The following INPP5A variants were observed in gnomAD, a reference collection of about 807,000 sequenced individuals.
INPP5A encodes the protein inositol polyphosphate-5-phosphatase A.
In INPP5A, 14 loss-of-function variants were observed where a neutral mutation model predicts 65.2. That is an observed-to-expected ratio of 0.21 (90% CI 0.14 to 0.34). INPP5A has a LOEUF of 0.34. Among genes scored for constraint, INPP5A ranks in the 10% least tolerant of loss-of-function variants. INPP5A has a pLI of 1.00. For synonymous variants in INPP5A, 207 were observed against 208.3 expected, an observed-to-expected ratio of 0.99 and a Z score of 0.05; for missense variants, 431 against 545.6, an observed-to-expected ratio of 0.79 and a Z score of 2.09.
At chr10:132,568,594 CAA>C (rs113219823) in intron 1 of INPP5A, among the ~76,000 whole-genome samples, 1 of 130,770 alleles carries the variant, frequency 7.6e-6, no homozygotes. Context: ...ACTAAAAATA[CAA>C]AAAAAAAAAA....
At chr10:132,689,317 T>A (rs1182875652) in intron 4 of INPP5A, among the ~76,000 whole-genome samples, 2 of 152,162 alleles carry the variant, frequency 1.3e-5, no homozygotes, top group Non-Finnish European at 2.9e-5. Flanking sequence ...GCCCCTGCCC[T>A]CCGTCTGCAG....
chr10:132,600,483 C>T (rs558403778), intron 1 of INPP5A, among the ~76,000 whole-genome samples: 1 of 152,344 alleles, frequency 6.6e-6, no homozygotes, highest in Non-Finnish European at 1.5e-5. Context: ...AGCCATTCAG[C>T]AAGTCTCCAG....
intron 1 of INPP5A, among the ~76,000 whole-genome samples, chr10:132,563,134 T>C (rs1564917190): frequency 6.6e-6 from 1 of 152,304 alleles, no homozygotes; most frequent in East Asian, 1.9e-4. Flanking sequence ...GAGACTGACA[T>C]TCTGTTCAGA....
chr10:132,658,684 G>A (rs992335762), intron 4 of INPP5A, among the ~76,000 whole-genome samples: 14 of 152,184 alleles, frequency 9.2e-5, no homozygotes, highest in Non-Finnish European at 8.8e-5. Flanking sequence ...CAAGCTGCCC[G>A]CAGCTGGGTG....
chr10:132,692,086 C>T (rs1010212777), intron 5 of INPP5A, among the ~76,000 whole-genome samples: 3 of 151,846 alleles, frequency 2.0e-5, no homozygotes, highest in African/African-American at 7.3e-5. Context: ...GGGTCAGGCT[C>T]GGGGGTCAGG....
chr10:132,669,491 T>G (rs1467836140), intron 4 of INPP5A, among the ~76,000 whole-genome samples: 1 of 151,668 alleles, frequency 6.6e-6, no homozygotes, highest in African/African-American at 2.4e-5. Context: ...GGTGGAGGAG[T>G]GGCAAGTGAC....
At chr10:132,757,047 A>G (rs1221448440) in intron 11 of INPP5A, among the ~76,000 whole-genome samples, 1 of 152,286 alleles carries the variant, frequency 6.6e-6, no homozygotes, top group Non-Finnish European at 1.5e-5. Context: ...TAAGCCAAGT[A>G]CTATTTGACA....
At chr10:132,771,761 A>G (rs2490656) in intron 12 of INPP5A, among the ~76,000 whole-genome samples, 53 of 75,254 alleles carry the variant, frequency 7.0e-4, no homozygotes, top group East Asian at 1.5e-3. Context: ...CACAGCAGCC[A>G]CCCCATGAAG....
At chr10:132,722,410 G>A (rs1845900647) in intron 8 of INPP5A, among the ~76,000 whole-genome samples, 2 of 152,176 alleles carry the variant, frequency 1.3e-5, no homozygotes, top group Non-Finnish European at 1.5e-5. Flanking sequence ...AAAAAAACTA[G>A]CCCCATTCGA....
At chr10:132,543,377 G>A (rs925642418) in intron 1 of INPP5A, among the ~76,000 whole-genome samples, 1 of 152,006 alleles carries the variant, frequency 6.6e-6, no homozygotes, top group Admixed American at 6.6e-5. Context: ...AAGTGTCCAT[G>A]CTGCAGCGTG....
intron 7 of INPP5A, among the ~76,000 whole-genome samples, chr10:132,709,405 A>C (rs973850548): frequency 2.1e-5 from 2 of 94,476 alleles, no homozygotes; most frequent in Non-Finnish European, 4.2e-5. Flanking sequence ...GGGAGGAAGG[A>C]GGGGGAGAGA....
At chr10:132,629,432 T>C (rs2072235238) in intron 2 of INPP5A, among the ~76,000 whole-genome samples, 1 of 152,252 alleles carries the variant, frequency 6.6e-6, no homozygotes, top group South Asian at 2.1e-4. Context: ...GGAAAGTGGC[T>C]GAAGATAAAA....
intron 1 of INPP5A, among the ~76,000 whole-genome samples, chr10:132,539,237 C>T (rs189303832): frequency 1.4e-3 from 212 of 152,336 alleles, no homozygotes; most frequent in Middle Eastern, 3.4e-3. Context: ...GCCTGGGTGC[C>T]GGCCTCACTG....
intron 8 of INPP5A, among the ~76,000 whole-genome samples, chr10:132,718,450 AC>A (rs1367609968): frequency 6.9e-6 from 1 of 145,482 alleles, no homozygotes; most frequent in African/African-American, 2.6e-5. Flanking sequence ...GGCGCCTTAG[AC>A]GGCTGTCTTC....
At chr10:132,601,899 T>C (rs2071781663) in intron 1 of INPP5A, among the ~76,000 whole-genome samples, 8 of 152,250 alleles carry the variant, frequency 5.3e-5, no homozygotes, top group Admixed American at 5.2e-4. Flanking sequence ...ACATAAGGAA[T>C]TGTGAGGTTT....
chr10:132,623,873 C>T (rs1184664761), intron 2 of INPP5A, among the ~76,000 whole-genome samples: 1 of 152,110 alleles, frequency 6.6e-6, no homozygotes, highest in Non-Finnish European at 1.5e-5. Context: ...GAAGAGAATA[C>T]AAATGGCAAG....
intron 12 of INPP5A, among the ~76,000 whole-genome samples, chr10:132,767,527 C>T (rs1308093912): frequency 6.6e-6 from 1 of 152,202 alleles, no homozygotes; most frequent in Non-Finnish European, 1.5e-5. Context: ...TCTGCAAAGA[C>T]ACCGAGGCTC....
Position 132,547,843 on chromosome 10 carries a change from G to A in INPP5A, c.75+9672G>A, listed in dbSNP as rs574160913. 1.4e-4 allele frequency among the ~76,000 whole-genome samples: 21 copies of A among 152,118 alleles called. No individual in the cohort carries two copies. Among genetic ancestry groups the A allele is most frequent in the East Asian group, 7.7e-4 (4 of 5,168 alleles). ...TACTGTGCTTTACCGTGACTGTGGC[G>A]TCACACTCAGGTGTGCTGGCCTTTG... On this transcript the variant is annotated intron_variant, in intron 1 of 15. Transcript: ENST00000368594. The surrounding 1 kb of genome is among the most constrained non-coding windows in gnomAD (Gnocchi z 5.5).
intron 12 of INPP5A, among the ~76,000 whole-genome samples, chr10:132,768,486 T>G (rs1846892722): frequency 6.6e-6 from 1 of 152,256 alleles, no homozygotes; most frequent in Non-Finnish European, 1.5e-5. Context: ...GAGATCAGCT[T>G]CCGCTTTCCC....
Sources: gnomAD v4.1 joint callset for allele counts (sites outside exome capture counted in the v4.1 genomes callset) on GRCh38, gnomAD v4.1.1 for gene constraint, Gnocchi (gnomAD v3.1) non-coding constraint, MANE v1.5 for transcripts, NCBI Gene and HGNC (gene_info 2026-07-23, HGNC 2026-07-21) for gene names.